Variants in USH2A observed in about 807,000 individuals in gnomAD.
The protein encoded by USH2A is Usher syndrome 2A (autosomal recessive, mild).
In USH2A, 443 loss-of-function variants were observed where a neutral mutation model predicts 538.9. The observed-to-expected ratio is 0.82, with a 90% CI of 0.76 to 0.89. The LOEUF (loss-of-function observed/expected upper bound fraction) is 0.89. Ranked by LOEUF, USH2A falls within the 40% of genes least tolerant of loss-of-function variation. The pLI is 0.00. For missense variants in USH2A, 6,633 were observed against 6,324.8 expected, an observed-to-expected ratio of 1.05 and a Z score of -1.65; for synonymous variants, 2,413 against 2,273.5, an observed-to-expected ratio of 1.06 and a Z score of -1.75.
chr1:215,955,502 G>A (rs538959198), intron 37 of USH2A, among the ~76,000 whole-genome samples: 2 of 152,072 alleles, frequency 1.3e-5, no homozygotes, highest in Non-Finnish European at 2.9e-5. Flanking sequence ...ATGAATGAAT[G>A]TCCAAATAAA....
At chr1:215,971,805 G>C (rs967752655) in intron 35 of USH2A, among the ~76,000 whole-genome samples, 2 of 152,134 alleles carry the variant, frequency 1.3e-5, no homozygotes, top group African/African-American at 4.8e-5. Flanking sequence ...AATAGGGTTA[G>C]TGGGTATTAA....
At chr1:215,688,642 C>T (rs1222864500) in intron 61 of USH2A, among the ~76,000 whole-genome samples, 1 of 152,114 alleles carries the variant, frequency 6.6e-6, no homozygotes, top group Non-Finnish European at 1.5e-5. Flanking sequence ...GGCTTATAGA[C>T]AGCTGTCTTC....
intron 20 of USH2A, among the ~76,000 whole-genome samples, chr1:216,188,182 T>G (rs866381596): frequency 6.6e-6 from 1 of 151,312 alleles, no homozygotes; most frequent in African/African-American, 2.4e-5. Flanking sequence ...AGGTACATCA[T>G]CTTTTACGCA....
At chr1:216,306,184 T>G (rs372169918) in intron 9 of USH2A, among the ~76,000 whole-genome samples, 37 of 152,238 alleles carry the variant, frequency 2.4e-4, no homozygotes, top group African/African-American at 6.7e-4. Flanking sequence ...AATCCCAAAC[T>G]TCTTGGAGGC....
chr1:216,104,679 A>T (rs964407815), intron 21 of USH2A, among the ~76,000 whole-genome samples: 13 of 152,330 alleles, frequency 8.5e-5, no homozygotes, highest in African/African-American at 3.1e-4. Context: ...TTCAAGATGG[A>T]TTAAAGACTT....
chr1:216,147,540 T>C (rs1156616183), intron 21 of USH2A, among the ~76,000 whole-genome samples: 1 of 152,100 alleles, frequency 6.6e-6, no homozygotes, highest in Non-Finnish European at 1.5e-5. Flanking sequence ...CCCTAGACCC[T>C]AAAAGGTCAA....
At chr1:216,279,661 A>G (rs2036735297) in intron 11 of USH2A, among the ~76,000 whole-genome samples, 1 of 152,096 alleles carries the variant, frequency 6.6e-6, no homozygotes, top group African/African-American at 2.4e-5. Flanking sequence ...TTTGAGGACT[A>G]CCCTAGCTGA....
chr1:216,370,096 T>C (rs2038677393), intron 3 of USH2A, among the ~76,000 whole-genome samples: 1 of 152,028 alleles, frequency 6.6e-6, no homozygotes, highest in Admixed American at 6.5e-5. Flanking sequence ...CAATGGCGCG[T>C]GCCTGTAATC....
At chr1:216,007,720 T>C (rs1432762249) in intron 32 of USH2A, among the ~76,000 whole-genome samples, 2 of 152,204 alleles carry the variant, frequency 1.3e-5, no homozygotes, top group Admixed American at 6.5e-5. Flanking sequence ...TCAATAGTTA[T>C]CCCTTTGCAC....
At chr1:215,813,338 G>C (rs995312211) in intron 49 of USH2A, among the ~76,000 whole-genome samples, 1 of 152,104 alleles carries the variant, frequency 6.6e-6, no homozygotes, top group African/African-American at 2.4e-5. Flanking sequence ...ATCTATCCAA[G>C]AACAATGCAT....
In USH2A at chr1:215,728,306, G is replaced by A. The variant is rs781378691; in HGVS notation, c.11790C>T (p.Asp3930=). 1.9e-6 allele frequency: 3 copies of A among 1,614,176 alleles called. No homozygotes were observed. In the East Asian group the frequency reaches 6.7e-5, roughly 36 times the overall value. Residue 3930 remains aspartate (D), a synonymous_variant, in exon 61 of 72, where the codon GAC becomes GAT. Coordinates refer to ENST00000307340, the MANE Select transcript of USH2A (RefSeq NM_206933.4). ...CGTAGAGTGTGAAAGGCCTCAGGGT[G>A]TCTCCTTCATCCATAAATTCAAGGG... ...EGALEFMDEG[D]TLRPFTLYEY... is the part of the protein sequence containing the mutation.
intron 21 of USH2A, among the ~76,000 whole-genome samples, chr1:216,126,391 T>G (rs1209810569): frequency 6.6e-6 from 1 of 151,806 alleles, no homozygotes; most frequent in Non-Finnish European, 1.5e-5. Flanking sequence ...GCCTGGCTAA[T>G]TTTTTGTATT....
rs1298831920 is a variant in USH2A, at chr1:215,635,700, T to C, written c.15053-997A>G. ...CCTCCCAAGTAGCTGGGATTACAGGTGTGCGCCACTATGCCTGGCTAATTT... is the reference window on the plus strand; with the variant it reads ...CCTCCCAAGTAGCTGGGATTACAGGCGTGCGCCACTATGCCTGGCTAATTT... On this transcript the variant is annotated intron_variant, in intron 69 of 71. Coordinates refer to ENST00000307340, the MANE Select transcript of USH2A (RefSeq NM_206933.4). Among the ~76,000 whole-genome samples the C allele has an allele frequency of 2.0e-5, 3 of 151,896 alleles. No homozygotes were observed. In the East Asian group the frequency reaches 5.8e-4, roughly 30 times the overall value.
intron 32 of USH2A, among the ~76,000 whole-genome samples, chr1:216,003,305 G>A (rs150198202): frequency 3.9e-5 from 6 of 152,188 alleles, no homozygotes; most frequent in African/African-American, 1.2e-4. Context: ...TGAAGTTTAT[G>A]GGTAAGAAAG....
At chr1:216,259,481 C>T (rs1298531775) in intron 11 of USH2A, among the ~76,000 whole-genome samples, 1 of 151,932 alleles carries the variant, frequency 6.6e-6, no homozygotes, top group East Asian at 1.9e-4. Context: ...GGTATATATC[C>T]TATTGTGATC....
chr1:215,929,503 C>G (rs1050222139), intron 38 of USH2A, among the ~76,000 whole-genome samples: 5 of 151,954 alleles, frequency 3.3e-5, no homozygotes, highest in African/African-American at 1.2e-4. Context: ...AGGGATGTAG[C>G]AAGATGAAAT....
At chr1:216,102,627 G>A (rs1258252316) in intron 21 of USH2A, among the ~76,000 whole-genome samples, 2 of 151,818 alleles carry the variant, frequency 1.3e-5, no homozygotes, top group African/African-American at 2.4e-5. Context: ...GCGAAACCTC[G>A]TCTCTACTAA....
intron 32 of USH2A, among the ~76,000 whole-genome samples, chr1:216,019,768 G>C (rs1175507105): frequency 2.6e-5 from 4 of 152,106 alleles, no homozygotes; most frequent in African/African-American, 9.7e-5. Context: ...TGCTGAGCAA[G>C]TACTCCTTAA....
chr1:216,114,778 G>A (rs1228278899), intron 21 of USH2A, among the ~76,000 whole-genome samples: 1 of 152,082 alleles, frequency 6.6e-6, no homozygotes, highest in African/African-American at 2.4e-5. Context: ...AATATGAAAT[G>A]CCACCAGATG....
Sources: allele counts gnomAD v4.1 joint callset (sites outside exome capture counted in the v4.1 genomes callset), GRCh38; gene constraint gnomAD v4.1.1; transcripts MANE v1.5; gene names NCBI Gene and HGNC (gene_info 2026-07-23, HGNC 2026-07-21).